KAZN: variants seen among roughly 807,000 people sequenced by gnomAD.
KAZN encodes kazrin.
In KAZN, 40 loss-of-function variants were observed where a neutral mutation model predicts 87.4. The observed-to-expected ratio is 0.46, with a 90% CI of 0.36 to 0.60. KAZN has a LOEUF of 0.60. Among genes scored for constraint, KAZN ranks in the 20% least tolerant of loss-of-function variants. The probability of loss-of-function intolerance (pLI) is 0.00; values close to 1 mark genes in which losing one functional copy is unlikely to be tolerated. For synonymous variants in KAZN, 466 were observed against 458.3 expected (o/e 1.02, Z -0.22); for missense variants, 898 against 1,073.9 (o/e 0.84, Z 2.29).
chr1:14,268,811 C>A (rs1651699874), intron 2 of KAZN, among the ~76,000 whole-genome samples: 1 of 152,196 alleles, frequency 6.6e-6, no homozygotes, highest in Admixed American at 6.5e-5. Context: ...CAAATCACAG[C>A]ATTTTGGAAT....
chr1:14,520,011 G>A (rs905207122), intron 2 of KAZN, among the ~76,000 whole-genome samples: 3 of 152,118 alleles, frequency 2.0e-5, no homozygotes, highest in Non-Finnish European at 2.9e-5. Context: ...TGCACAGATC[G>A]TGCCATAGGT....
chr1:14,605,340 G>A (rs1677275761), intron 1 of KAZN, among the ~76,000 whole-genome samples: 1 of 152,154 alleles, frequency 6.6e-6, no homozygotes, highest in East Asian at 1.9e-4. Context: ...TGAGGCCAGC[G>A]AGGTGACAAC....
chr1:14,392,891 G>C lies in KAZN; in HGVS notation c.250-206092G>C, dbSNP rs893996101. On this transcript the variant is annotated intron_variant, in intron 2 of 16. Coordinates refer to the KAZN transcript ENST00000636203. ...CACTGCTCCAATCCACTGAATAAGT[G>C]TATACATTTTCTAGTTGGGGTCTTC... 3.3e-5 allele frequency among the ~76,000 whole-genome samples: 5 copies of C among 152,254 alleles called. No homozygotes were observed. In the East Asian group the frequency reaches 9.7e-4, roughly 29 times the overall value.
intron 2 of KAZN, among the ~76,000 whole-genome samples, chr1:14,989,758 C>G (rs1197991438): frequency 6.6e-6 from 1 of 152,116 alleles, no homozygotes; most frequent in Admixed American, 6.6e-5. Context: ...CAGGAAGAGC[C>G]GAGTGAGTGC....
At chr1:14,329,099 G>T (rs983404919) in intron 2 of KAZN, among the ~76,000 whole-genome samples, 2 of 152,136 alleles carry the variant, frequency 1.3e-5, no homozygotes, top group Non-Finnish European at 2.9e-5. Context: ...TCCAGGTGCT[G>T]GAACAATGTT....
At chr1:14,924,582 C>CGCGGG (rs529495526) in intron 1 of KAZN, 13 of 1,006,612 alleles carry the variant, frequency 1.3e-5, no homozygotes, top group East Asian at 2.0e-4. Flanking sequence ...GGTAGGTGCG[C>CGCGGG]GCGGGGCGGG....
rs145932419 is a variant in KAZN, at chr1:14,995,784, C to T, written c.418+34909C>T. 3.1e-4 allele frequency among the ~76,000 whole-genome samples: 47 copies of T among 152,258 alleles called. No individual in the cohort carries two copies. In the East Asian group the frequency reaches 9.1e-3, roughly 29 times the overall value. On this transcript the variant is annotated intron_variant, in intron 2 of 14. Coordinates refer to ENST00000376030, the MANE Select transcript of KAZN (RefSeq NM_201628.3). ...AGCTCTCTCCTGCCCAGCCCAGGTG[C>T]CTTTGGGTGCCTCGCCTGATTTATA...
intron 1 of KAZN, among the ~76,000 whole-genome samples, chr1:13,927,354 T>G (rs1474149776): frequency 2.0e-5 from 3 of 152,178 alleles, no homozygotes; most frequent in African/African-American, 4.8e-5. Flanking sequence ...CAGTGGGGCA[T>G]TACAGAGAGG....
At chr1:15,010,012 T>C (rs1367423310) in intron 2 of KAZN, among the ~76,000 whole-genome samples, 1 of 152,242 alleles carries the variant, frequency 6.6e-6, no homozygotes, top group Non-Finnish European at 1.5e-5. Context: ...AAATTTCCTA[T>C]TGACTCATAA....
intron 2 of KAZN, among the ~76,000 whole-genome samples, chr1:14,565,409 A>T (rs991652514): frequency 6.6e-6 from 1 of 152,218 alleles, no homozygotes; most frequent in Admixed American, 6.5e-5. Flanking sequence ...TCCTAAAAAA[A>T]ATGCTAATGA....
At chr1:14,895,411 G>A (rs1429543222) in intron 1 of KAZN, among the ~76,000 whole-genome samples, 1 of 152,178 alleles carries the variant, frequency 6.6e-6, no homozygotes, top group East Asian at 1.9e-4. Context: ...TAGCAAAGCC[G>A]CCAGATCAGC....
At chr1:14,731,611 C>T (rs1006172706) in intron 1 of KAZN, among the ~76,000 whole-genome samples, 5 of 152,224 alleles carry the variant, frequency 3.3e-5, no homozygotes, top group Admixed American at 2.0e-4. Flanking sequence ...ATAATCTTTG[C>T]AGGCCACATA....
At chr1:14,556,528 A>T (rs1245551261) in intron 2 of KAZN, among the ~76,000 whole-genome samples, 1 of 152,158 alleles carries the variant, frequency 6.6e-6, no homozygotes, top group Non-Finnish European at 1.5e-5. Context: ...AGCCAAGTCA[A>T]CTGAGGGTGA....
intron 4 of KAZN, among the ~76,000 whole-genome samples, chr1:15,053,908 G>A (rs905264250): frequency 6.6e-6 from 1 of 152,222 alleles, no homozygotes; most frequent in Non-Finnish European, 1.5e-5. Flanking sequence ...CTGGCAGTGG[G>A]AGGGAAGTGA....
Position 14,159,897 on chromosome 1 carries a change from CA to C in KAZN, c.92-20537del, listed in dbSNP as rs550318577. 8.0e-4 allele frequency among the ~76,000 whole-genome samples: 122 copies of C among 152,256 alleles called. 1 individual carries two copies. Among genetic ancestry groups the C allele is most frequent in the African/African-American group, 2.7e-3 (114 of 41,550 alleles). ...CTAGGGTGTGTCTGGAAATGTCATC[CA>C]GGAACTAGGGCCTGGAAAGGGGGTC... On this transcript the variant is annotated intron_variant, in intron 1 of 16. Transcript: ENST00000636203.
intron 1 of KAZN, among the ~76,000 whole-genome samples, chr1:14,076,346 A>G (rs1222631749): frequency 6.6e-6 from 1 of 152,138 alleles, no homozygotes; most frequent in Non-Finnish European, 1.5e-5. Flanking sequence ...GAAGGTAGAG[A>G]TCAGGGTGAT....
Position 13,945,955 on chromosome 1 carries a change from G to A in KAZN, c.91+52199G>A, listed in dbSNP as rs532464095. On this transcript the variant is annotated intron_variant, in intron 1 of 16. Transcript: ENST00000636203. The stretch of plus-strand genomic sequence containing the variant: ...GACTTCTGAGGAAGCACAGTTATGG[G>A]TCTTGGTTGTTTCCAAAAAAGGCCT... Among the ~76,000 whole-genome samples the A allele has an allele frequency of 2.6e-5, 4 of 152,182 alleles. No homozygotes were observed. The South Asian group carries it at 8.3e-4, about 32-fold the overall frequency.
At position 14,842,813 on chromosome 1, in the gene KAZN, A is replaced by G. The variant is rs118084577; in HGVS notation, c.227-117871A>G. ...AATTTCAAAATCAAAGAGTAGTAAA[A>G]GGCTTATAATGGAAAATGATGGTCC... On this transcript the variant is annotated intron_variant, in intron 1 of 14. Transcript: ENST00000376030. Among the ~76,000 whole-genome samples, 27 of 152,328 alleles carry G rather than the reference A, an allele frequency of 1.8e-4. No homozygotes were observed. The East Asian group carries it at 4.4e-3, about 25-fold the overall frequency.
At chr1:14,417,556 A>T (rs1233446151) in intron 2 of KAZN, among the ~76,000 whole-genome samples, 1 of 152,208 alleles carries the variant, frequency 6.6e-6, no homozygotes, top group Admixed American at 6.5e-5. Flanking sequence ...TGAGACTGGG[A>T]TATTGGCCCC....
Sources: allele counts gnomAD v4.1 joint callset (sites outside exome capture counted in the v4.1 genomes callset), GRCh38; gene constraint gnomAD v4.1.1; transcripts MANE v1.5; gene names NCBI Gene and HGNC (gene_info 2026-07-23, HGNC 2026-07-21).